EFHC2: variants seen among roughly 807,000 people sequenced by gnomAD.
The protein encoded by EFHC2 is EF-hand domain containing 2, also known as EF-hand domain-containing family member C2.
In EFHC2, 18 loss-of-function variants were observed where a neutral mutation model predicts 52.7. The ratio of observed to expected loss-of-function variants is 0.34; its 90% confidence interval spans 0.24 to 0.51. The LOEUF (loss-of-function observed/expected upper bound fraction) is 0.51, where lower values mean the gene tolerates loss of function less well. Ranked by LOEUF, EFHC2 falls within the 20% of genes least tolerant of loss-of-function variation. The pLI is 0.97. For missense variants in EFHC2, 513 were observed against 562.5 expected, an observed-to-expected ratio of 0.91 and a Z score of 0.89; for synonymous variants, 203 against 204.1, an observed-to-expected ratio of 0.99 and a Z score of 0.04.
At chrX:44,341,381 T>C (rs189899997) in intron 1 of EFHC2, among the ~76,000 whole-genome samples, 172 of 112,703 alleles carry the variant, frequency 1.5e-3, no homozygotes, top group Non-Finnish European at 2.4e-3. Context: ...ATTTGAGATA[T>C]GTATTTTTAT....
intron 1 of EFHC2, among the ~76,000 whole-genome samples, chrX:44,320,251 A>T (rs1346683411): frequency 1.8e-5 from 2 of 112,127 alleles, no homozygotes; most frequent in Non-Finnish European, 3.8e-5. Flanking sequence ...CTTGGAGTAG[A>T]TAAGTTTAAA....
At chrX:44,343,017 G>A (rs1191014959) in intron 1 of EFHC2, among the ~76,000 whole-genome samples, 1 of 110,165 alleles carries the variant, frequency 9.1e-6, no homozygotes, top group East Asian at 2.8e-4. Flanking sequence ...TACCCCTCTT[G>A]ATAAGTGCCA....
intron 4 of EFHC2, among the ~76,000 whole-genome samples, chrX:44,256,475 C>G (rs1443287971): frequency 1.8e-5 from 2 of 111,863 alleles, no homozygotes; most frequent in East Asian, 5.6e-4. Context: ...ACTGATCCCA[C>G]AGAAATACAA....
chrX:44,280,739 AC>A (rs1251130689), intron 2 of EFHC2, among the ~76,000 whole-genome samples: 1 of 112,194 alleles, frequency 8.9e-6, no homozygotes, highest in Non-Finnish European at 1.9e-5. Flanking sequence ...ATACAAAATT[AC>A]AAAATACTTA....
intron 2 of EFHC2, among the ~76,000 whole-genome samples, chrX:44,281,768 T>C: frequency 8.9e-6 from 1 of 112,460 alleles, no homozygotes; most frequent in Middle Eastern, 4.6e-3. Context: ...ACTTTAATTT[T>C]ATAAAAATGT....
In EFHC2 at chrX:44,178,538, C is replaced by T. The variant is rs1426744235; in HGVS notation, c.1778G>A (p.Gly593Glu). 1 of 1,196,738 alleles carries T rather than the reference C, an allele frequency of 8.4e-7. No individual in the cohort carries two copies. The highest frequency in any genetic ancestry group is 2.3e-5 in the Admixed American group (1 of 42,929). ...TACAAATTCTTGCTCTGCAAGGTTTCCAACAGTCAAAGACATCAATATGTC... is the reference window on the plus strand; with the variant it reads ...TACAAATTCTTGCTCTGCAAGGTTTTCAACAGTCAAAGACATCAATATGTC... ...FRDILMSLTV[G>E]NLAEQEFVTI... Residue 593 changes from glycine (G) to glutamate (E), a missense_variant, in exon 12 of 15, where the codon GGA (glycine) becomes GAA (glutamate). Physicochemically the swap from Gly to Glu is moderately conservative, Grantham distance 98 (BLOSUM62 -2). Coordinates refer to ENST00000420999, the MANE Select transcript of EFHC2 (RefSeq NM_025184.4).
chrX:44,156,651 C>T (rs1363893311), intron 14 of EFHC2, among the ~76,000 whole-genome samples: 1 of 112,285 alleles, frequency 8.9e-6, no homozygotes, highest in Admixed American at 9.4e-5. Context: ...TCTGCAGTTA[C>T]GATGTTCATA....
chrX:44,292,629 C>T (rs889431250), intron 2 of EFHC2, among the ~76,000 whole-genome samples: 9 of 111,592 alleles, frequency 8.1e-5, no homozygotes, highest in Admixed American at 6.7e-4. Context: ...GATCTGTGTA[C>T]CCACCCAAAT....
At chrX:44,231,885 G>A (rs779366783) in intron 10 of EFHC2, among the ~76,000 whole-genome samples, 82 of 111,228 alleles carry the variant, frequency 7.4e-4, no homozygotes, top group African/African-American at 2.5e-3. Flanking sequence ...TATTTTTACC[G>A]AACAGCATTG....
At chrX:44,280,946 G>A (rs1438652898) in intron 2 of EFHC2, among the ~76,000 whole-genome samples, 2 of 111,069 alleles carry the variant, frequency 1.8e-5, no homozygotes, top group Admixed American at 1.9e-4. Flanking sequence ...TTTAGATGAA[G>A]TCTCACTCTG....
At chrX:44,240,996 A>G (rs1276460981) in intron 8 of EFHC2, among the ~76,000 whole-genome samples, 1 of 112,141 alleles carries the variant, frequency 8.9e-6, no homozygotes, top group Non-Finnish European at 1.9e-5. Flanking sequence ...ACTTTTATAG[A>G]TACAACATAA....
At chrX:44,195,688 AATG>A (rs1812186097) in intron 11 of EFHC2, among the ~76,000 whole-genome samples, 1 of 110,784 alleles carries the variant, frequency 9.0e-6, no homozygotes, top group African/African-American at 3.3e-5. Flanking sequence ...ATTCTGATGG[AATG>A]ATATTATTTT....
At chrX:44,300,400 A>G (rs1378190189) in intron 2 of EFHC2, among the ~76,000 whole-genome samples, 1 of 111,562 alleles carries the variant, frequency 9.0e-6, no homozygotes, top group Non-Finnish European at 1.9e-5. Context: ...TTGACCTTGG[A>G]CTTCCAGCCT....
chrX:44,159,564 A>G (rs2036634377), intron 14 of EFHC2, among the ~76,000 whole-genome samples: 1 of 112,450 alleles, frequency 8.9e-6, no homozygotes, highest in African/African-American at 3.2e-5. Context: ...GAAATTGATC[A>G]GGTACCATTT....
chrX:44,193,466 T>C (rs756704071), intron 11 of EFHC2, among the ~76,000 whole-genome samples: 144 of 112,113 alleles, frequency 1.3e-3, no homozygotes, highest in Non-Finnish European at 2.0e-3. Context: ...TCAGATACTT[T>C]TGATTTACAA....
chrX:44,240,477 C>T (rs1034916736), intron 8 of EFHC2, among the ~76,000 whole-genome samples: 3 of 112,076 alleles, frequency 2.7e-5, no homozygotes, highest in East Asian at 2.8e-4. Context: ...CCAGAAACAA[C>T]ACCCTGGATA....
intron 7 of EFHC2, among the ~76,000 whole-genome samples, chrX:44,244,066 GT>G (rs763948995): frequency 8.9e-5 from 10 of 112,034 alleles, no homozygotes; most frequent in Non-Finnish European, 1.9e-4. Flanking sequence ...GAATCTCAAA[GT>G]AATTAGGACT....
intron 1 of EFHC2, among the ~76,000 whole-genome samples, chrX:44,326,121 TG>T (rs369616616): frequency 8.6e-4 from 94 of 109,745 alleles, no homozygotes; most frequent in African/African-American, 2.9e-3. Flanking sequence ...CTTGAACTCC[TG>T]GGCTCAAGTG....
At chrX:44,170,360 G>T (rs1219364556) in intron 13 of EFHC2, among the ~76,000 whole-genome samples, 2 of 111,084 alleles carry the variant, frequency 1.8e-5, no homozygotes, top group Non-Finnish European at 3.8e-5. Context: ...CACCATGCTT[G>T]TTAGATGAGG....
Sources: gnomAD v4.1 joint callset for allele counts (sites outside exome capture counted in the v4.1 genomes callset) on GRCh38, gnomAD v4.1.1 for gene constraint, MANE v1.5 for transcripts, NCBI Gene and HGNC (gene_info 2026-07-23, HGNC 2026-07-21) for gene names.